CERS6: variants seen among roughly 807,000 people sequenced by gnomAD.
CERS6 encodes the protein LAG1 homolog, ceramide synthase 6.
Under a neutral mutation model 56.8 loss-of-function variants are expected in CERS6, and 26 were observed. The observed-to-expected ratio is 0.46, with a 90% confidence interval of 0.34 to 0.63. The LOEUF is 0.63. Among genes scored for constraint, CERS6 ranks in the 30% least tolerant of loss-of-function variants. CERS6 has a pLI of 0.01. For synonymous variants in CERS6, 164 were observed against 173.3 expected, an observed-to-expected ratio of 0.95 and a Z score of 0.42; for missense variants, 415 against 467.5, an observed-to-expected ratio of 0.89 and a Z score of 1.04.
chr2:168,506,996 C>T (rs1694689836), intron 1 of CERS6, among the ~76,000 whole-genome samples: 1 of 152,058 alleles, frequency 6.6e-6, no homozygotes, highest in African/African-American at 2.4e-5. Context: ...CCCAGGTTCC[C>T]CAGTTATCAA....
At chr2:168,687,972 G>A (rs544442506) in intron 4 of CERS6, among the ~76,000 whole-genome samples, 2 of 152,230 alleles carry the variant, frequency 1.3e-5, no homozygotes, top group South Asian at 4.1e-4. Flanking sequence ...CCAAAGTGTT[G>A]GAATTGCAGG....
intron 3 of CERS6, among the ~76,000 whole-genome samples, chr2:168,615,592 A>G (rs1367743030): frequency 6.7e-6 from 1 of 149,804 alleles, no homozygotes; most frequent in Non-Finnish European, 1.5e-5. Flanking sequence ...AGTCTCAGCA[A>G]TAGAGTCGAA....
At chr2:168,671,268 T>G (rs1406577919) in intron 4 of CERS6, among the ~76,000 whole-genome samples, 9 of 152,084 alleles carry the variant, frequency 5.9e-5, no homozygotes, top group Admixed American at 2.0e-4. Flanking sequence ...CCCGGCCACA[T>G]GCATATTCTT....
intron 2 of CERS6, among the ~76,000 whole-genome samples, chr2:168,560,499 G>A (rs1164924487): frequency 6.6e-6 from 1 of 152,062 alleles, no homozygotes; most frequent in Admixed American, 6.6e-5. Context: ...ATCATTTCAG[G>A]GCCATCTCTT....
intron 1 of CERS6, among the ~76,000 whole-genome samples, chr2:168,533,736 T>C (rs970824301): frequency 5.9e-5 from 9 of 152,162 alleles, no homozygotes; most frequent in African/African-American, 2.2e-4. Flanking sequence ...GTTCTCTGTA[T>C]TTCCTGAATT....
At position 168,769,610 on chromosome 2, in the gene CERS6, C is replaced by A. The variant is rs1015138015; in HGVS notation, c.1103C>A (p.Thr368Asn). The change falls in exon 10 of 10, where the codon ACC (threonine) becomes AAC (asparagine). Residue 368 changes from threonine to asparagine, a missense_variant. Coordinates refer to ENST00000305747, the MANE Select transcript of CERS6 (RefSeq NM_203463.3). The stretch of plus-strand genomic sequence containing the variant: ...CACACTGCGACAACCACCAATGGGA[C>A]CAGTGGTACCAACGGGTATCTCCTG... ...NPHTATTTNG[T>N]SGTNGYLLTG... 1 of 1,612,412 alleles carries A rather than the reference C, an allele frequency of 6.2e-7. No homozygotes were observed. The highest frequency in any genetic ancestry group is 1.7e-5 in the Admixed American group (1 of 59,662).
chr2:168,511,745 A>G (rs1474539995), intron 1 of CERS6, among the ~76,000 whole-genome samples: 1 of 152,190 alleles, frequency 6.6e-6, no homozygotes, highest in Admixed American at 6.5e-5. Flanking sequence ...AGTTTAAAAA[A>G]TTTGGAGTAT....
intron 4 of CERS6, among the ~76,000 whole-genome samples, chr2:168,652,322 G>A (rs182463575): frequency 3.7e-4 from 57 of 152,224 alleles, no homozygotes; most frequent in African/African-American, 1.3e-3. Context: ...TAAAAATGGA[G>A]TACCAGCTAA....
At chr2:168,756,441 G>A (rs1278670521) in intron 8 of CERS6, among the ~76,000 whole-genome samples, 1 of 152,196 alleles carries the variant, frequency 6.6e-6, no homozygotes, top group Non-Finnish European at 1.5e-5. Flanking sequence ...AAGTAGTAAT[G>A]AAAGGAATTA....
At chr2:168,512,275 A>C (rs1694802496) in intron 1 of CERS6, among the ~76,000 whole-genome samples, 1 of 152,122 alleles carries the variant, frequency 6.6e-6, no homozygotes. Flanking sequence ...ATGGTTGCTC[A>C]ATAGTGTGAA....
intron 4 of CERS6, among the ~76,000 whole-genome samples, chr2:168,689,568 C>G (rs142344813): frequency 6.6e-6 from 1 of 152,124 alleles, no homozygotes; most frequent in Admixed American, 6.5e-5. Context: ...TTTATGCACA[C>G]GCTCTCATTT....
chr2:168,457,086 A>G (rs1693683259), intron 1 of CERS6, among the ~76,000 whole-genome samples: 1 of 152,220 alleles, frequency 6.6e-6, no homozygotes, highest in Non-Finnish European at 1.5e-5. Context: ...AACCGCGCAC[A>G]CTTCAATCTT....
At chr2:168,478,777 C>G (rs1252475697) in intron 1 of CERS6, among the ~76,000 whole-genome samples, 4 of 152,210 alleles carry the variant, frequency 2.6e-5, no homozygotes, top group Non-Finnish European at 5.9e-5. Flanking sequence ...GGTGACATCT[C>G]TTATTTGTTA....
intron 8 of CERS6, among the ~76,000 whole-genome samples, chr2:168,743,995 C>CTTTTTTTTTTTTTTTTTTTTTTTTT (rs58256507): frequency 7.9e-5 from 5 of 63,398 alleles, no homozygotes; most frequent in Admixed American, 4.6e-4. Context: ...TCTTTTTTTT[C>CTTTTTTTTTTTTTTTTTTTTTTTTT]TTTTTTTTTT....
chr2:168,470,309 G>A (rs1327378061), intron 1 of CERS6, among the ~76,000 whole-genome samples: 3 of 151,954 alleles, frequency 2.0e-5, no homozygotes, highest in African/African-American at 7.3e-5. Context: ...CTTGAGCTCA[G>A]GAGGTCCAGG....
chr2:168,575,465 C>T (rs957637485), intron 3 of CERS6, among the ~76,000 whole-genome samples: 18 of 151,896 alleles, frequency 1.2e-4, no homozygotes, highest in Admixed American at 4.6e-4. Context: ...TATCAGCTTT[C>T]GTGAGAACTC....
At chr2:168,554,457 G>A (rs548601928) in intron 2 of CERS6, among the ~76,000 whole-genome samples, 4 of 152,154 alleles carry the variant, frequency 2.6e-5, no homozygotes, top group East Asian at 3.9e-4. Context: ...CCAATATGCC[G>A]GGTGTCCATA....
rs1350239179 is a variant in CERS6, at chr2:168,774,108, A to C, written c.*4446A>C. On this transcript the variant is annotated 3_prime_UTR_variant, in exon 10 of 10. Coordinates refer to ENST00000305747, the MANE Select transcript of CERS6 (RefSeq NM_203463.3). ...AACCCAAAGCCTTTGAAAGGAATGC[A>C]TTACCACATGACCACATGCTGAGAC... 2 of 152,264 alleles carry C rather than the reference A, an allele frequency of 1.3e-5. No homozygotes were observed. Among genetic ancestry groups the C allele is most frequent in the Non-Finnish European group, 2.9e-5 (2 of 68,068 alleles). 9.4% of individuals were successfully genotyped at this position (152,264 alleles called of 1,614,324 possible).
At chr2:168,755,763 T>G (rs1464275797) in intron 8 of CERS6, among the ~76,000 whole-genome samples, 5 of 152,144 alleles carry the variant, frequency 3.3e-5, no homozygotes. Flanking sequence ...AGCTAGCAAT[T>G]CCCTCTCTAC....
Sources: gnomAD v4.1 joint callset for allele counts (sites outside exome capture counted in the v4.1 genomes callset) on GRCh38, gnomAD v4.1.1 for gene constraint, MANE v1.5 for transcripts, NCBI Gene and HGNC (gene_info 2026-07-23, HGNC 2026-07-21) for gene names.